Variants in DCAF17 observed in about 807,000 individuals in gnomAD.
DCAF17 encodes the protein DDB1 and CUL4 associated factor 17.
DCAF17 carries 48 observed loss-of-function variants against 66.0 expected under a neutral mutation model. That is an observed-to-expected ratio of 0.73 (90% CI 0.58 to 0.92). The LOEUF (loss-of-function observed/expected upper bound fraction) is 0.92, where lower values mean the gene tolerates loss of function less well. Among genes scored for constraint, DCAF17 ranks in the 40% least tolerant of loss-of-function variants. DCAF17 has a pLI of 0.00. For missense variants in DCAF17, 562 were observed against 622.8 expected (o/e 0.90, Z 1.04); for synonymous variants, 206 against 214.6 (o/e 0.96, Z 0.35).
rs889429441 is a variant in DCAF17 at position 171,480,210 on chromosome 2, G to T, written c.1422+17G>T. ...TGGGATGTGGTGAGTAGAGTCCGTG[G>T]GATACAAAGTTGTAAACCTTTCCTT... is the stretch of plus-strand genomic sequence containing the variant. On this transcript the variant is annotated intron_variant, in intron 13 of 13. Coordinates refer to ENST00000375255, the MANE Select transcript of DCAF17 (RefSeq NM_025000.4). 1.2e-6 allele frequency: 2 copies of T among 1,611,872 alleles called. No homozygotes were observed. Among genetic ancestry groups the T allele is most frequent in the Non-Finnish European group, 1.7e-6 (2 of 1,179,332 alleles).
intron 3 of DCAF17, among the ~76,000 whole-genome samples, chr2:171,446,877 G>GA (rs1694655528): frequency 6.6e-6 from 1 of 152,128 alleles, no homozygotes; most frequent in Non-Finnish European, 1.5e-5. Context: ...CTTTGAGCAT[G>GA]AAAAATATAA....
chr2:171,458,430 C>A lies in DCAF17; in HGVS notation c.791C>A (p.Thr264Asn). 1 of 1,614,026 alleles carries A rather than the reference C, an allele frequency of 6.2e-7. No homozygotes were observed. Residue 264 changes from threonine (T) to asparagine (N), a missense_variant, in exon 8 of 14, where the codon ACT (threonine) becomes AAT (asparagine). Around this residue, in one of 3 missense-constraint regions of DCAF17, gnomAD observed 348 missense variants for 355.9 expected, o/e 0.98. Transcript: ENST00000375255. ...CACRWGGTTGTVGEAPFGIPC... is the reference protein window; with the variant it reads ...CACRWGGTTGNVGEAPFGIPC... ...TGCAGATGGGGTGGGACTACTGGAACTGTAGGAGAGGCTCCTTTTGGCATT... is the reference window on the plus strand; with the variant it reads ...TGCAGATGGGGTGGGACTACTGGAAATGTAGGAGAGGCTCCTTTTGGCATT...
chr2:171,438,101 G>A (rs1694073373), intron 2 of DCAF17, among the ~76,000 whole-genome samples: 1 of 152,040 alleles, frequency 6.6e-6, no homozygotes, highest in African/African-American at 2.4e-5. Flanking sequence ...ATTTCTCCTG[G>A]GACTTCTTTG....
intron 8 of DCAF17, among the ~76,000 whole-genome samples, chr2:171,467,279 A>G (rs979208685): frequency 2.0e-5 from 3 of 152,158 alleles, no homozygotes; most frequent in Non-Finnish European, 4.4e-5. Flanking sequence ...ATTAAGAAAA[A>G]GGTACATGAT....
chr2:171,450,047 A>T, intron 5 of DCAF17, 90 bp downstream of exon 5: 1 of 1,131,964 alleles, frequency 8.8e-7, no homozygotes, highest in Non-Finnish European at 1.3e-6. Flanking sequence ...ATGATCTTTT[A>T]TTTCTGAAGC....
At chr2:171,470,978 G>C (rs1696214581) in intron 9 of DCAF17, among the ~76,000 whole-genome samples, 1 of 152,210 alleles carries the variant, frequency 6.6e-6, no homozygotes, top group Non-Finnish European at 1.5e-5. Flanking sequence ...AGGTACTTGA[G>C]CATCCATGGG....
rs1199128179 is a variant in DCAF17 at position 171,478,002 on chromosome 2, A to G, written c.1198A>G (p.Thr400Ala). Residue 400 changes from threonine (T) to alanine (A), a missense_variant, in exon 12 of 14, where the codon ACT becomes GCT. By Grantham distance (58) the Thr-to-Ala change is moderately conservative. Around this residue, in one of 3 missense-constraint regions of DCAF17, gnomAD observed 201 missense variants for 231.1 expected, o/e 0.87. Coordinates refer to ENST00000375255, the MANE Select transcript of DCAF17 (RefSeq NM_025000.4). ...CATATGATAGAATGAAAATGTACTC[A>G]CTGTTACAGCTTCTGGACGGGTGGT... Reference protein sequence around the residue: ...RENHKNENVLTVTASGRVVKK... With the variant: ...RENHKNENVLAVTASGRVVKK... 6.2e-7 allele frequency: 1 copy of G among 1,613,492 alleles called. No individual in the cohort carries two copies. Among genetic ancestry groups the G allele is most frequent in the South Asian group, 1.1e-5 (1 of 91,070 alleles).
intron 7 of DCAF17, 84 bp downstream of exon 7, chr2:171,458,159 T>C: frequency 7.9e-7 from 1 of 1,268,946 alleles, no homozygotes; most frequent in Non-Finnish European, 1.1e-6. Context: ...GAGATGCTTT[T>C]AGAGTAAGGC....
intron 10 of DCAF17, among the ~76,000 whole-genome samples, chr2:171,475,496 T>G (rs1334104299): frequency 6.6e-6 from 1 of 152,160 alleles, no homozygotes; most frequent in Non-Finnish European, 1.5e-5. Context: ...CTGGGCTTGG[T>G]GGTTTAGGCC....
chr2:171,477,846 T>A, intron 11 of DCAF17, 141 bp from the exon 12 acceptor site: 1 of 718,770 alleles, frequency 1.4e-6, no homozygotes, highest in Non-Finnish European at 2.5e-6. Flanking sequence ...AGAAATCTGA[T>A]TCAGAATTTT....
chr2:171,466,376 A>T (rs543009717), intron 8 of DCAF17, among the ~76,000 whole-genome samples: 39 of 152,256 alleles, frequency 2.6e-4, no homozygotes, highest in African/African-American at 8.9e-4. Context: ...ATTAATCATA[A>T]TATTTGTTTT....
At chr2:171,457,056 C>G (rs34127006) in intron 6 of DCAF17, among the ~76,000 whole-genome samples, 6,272 of 152,346 alleles carry the variant, frequency 0.041, 207 homozygotes, top group South Asian at 0.088. Flanking sequence ...TTGTCTTGTG[C>G]TGGTTTTCAA....
At position 171,482,460 on chromosome 2, in the gene DCAF17, G is replaced by C. The variant is rs770671472; in HGVS notation, c.*1346G>C. 1 of 453,800 alleles carries C rather than the reference G, an allele frequency of 2.2e-6. No individual in the cohort carries two copies. Among genetic ancestry groups the C allele is most frequent in the South Asian group, 1.6e-5 (1 of 64,474 alleles). 28.1% of individuals were successfully genotyped at this position (453,800 alleles called of 1,614,324 possible). On this transcript the variant is annotated 3_prime_UTR_variant, in exon 14 of 14. Transcript: ENST00000375255. ...AGACATTGCCCCATACTTTCAATTA[G>C]ACACTAGCTGTATCTAAATAGTCCC...
chr2:171,452,117 G>C (rs970958604), intron 5 of DCAF17, among the ~76,000 whole-genome samples: 5 of 152,014 alleles, frequency 3.3e-5, no homozygotes, highest in Non-Finnish European at 7.4e-5. Flanking sequence ...AGAATCTTTT[G>C]GGCTTTAAGC....
chr2:171,442,583 A>T, intron 2 of DCAF17, among the ~76,000 whole-genome samples: 2 of 145,572 alleles, frequency 1.4e-5, no homozygotes, highest in East Asian at 2.0e-4. Context: ...AAAAAAAAAA[A>T]GAAAGAAAGA....
Position 171,434,246 on chromosome 2 carries a change from G to A in DCAF17, c.-332G>A, listed in dbSNP as rs371179981. The A allele has an allele frequency of 3.0e-5, 14 of 472,904 alleles. 1 individual carries two copies. The highest frequency in any genetic ancestry group is 2.8e-4 in the African/African-American group (14 of 50,150). The allele number at this position is 472,904 out of a possible 1,614,324, so 29.3% of individuals were successfully genotyped here. A position where few individuals can be genotyped will look rare whatever the true frequency, so the allele number is the denominator to read the frequency against. Reference sequence around the variant, plus strand: ...CCTGGGAGAAGCCGGGCTGCCTCACGAGGCACTAGGAACTACATTTCCCGG... The same window carrying A: ...CCTGGGAGAAGCCGGGCTGCCTCACAAGGCACTAGGAACTACATTTCCCGG... On this transcript the variant is annotated 5_prime_UTR_variant, in exon 1 of 14. Transcript: ENST00000375255.
At chr2:171,436,071 G>A (rs1377320620) in intron 2 of DCAF17, among the ~76,000 whole-genome samples, 1 of 152,082 alleles carries the variant, frequency 6.6e-6, no homozygotes, top group Non-Finnish European at 1.5e-5. Flanking sequence ...TCATATAAAT[G>A]GAATCATATA....
Position 171,434,936 on chromosome 2 carries a change from C to T in DCAF17, c.127-147C>T, listed in dbSNP as rs1421613011. 1.4e-5 allele frequency: 14 copies of T among 1,020,924 alleles called. No individual in the cohort carries two copies. In the East Asian group the frequency reaches 1.6e-4, roughly 11 times the overall value. The allele number at this position is 1,020,924 out of a possible 1,614,324, so 63.2% of individuals were successfully genotyped here. A position where few individuals can be genotyped will look rare whatever the true frequency, so the allele number is the denominator to read the frequency against. ...CAATTATTCTAAAAGTTGGTCACCT[C>T]ATTAAGCCAAAACATGAGGGCAGAG... On this transcript the variant is annotated intron_variant, in intron 1 of 13. Transcript: ENST00000375255.
chr2:171,435,335 T>G (rs1693806800), intron 2 of DCAF17, 149 bp downstream of exon 2: 3 of 684,768 alleles, frequency 4.4e-6, no homozygotes, highest in Non-Finnish European at 7.7e-6. Context: ...AAAATGCATG[T>G]AATTTTAAAA....
Sources: allele counts gnomAD v4.1 joint callset (sites outside exome capture counted in the v4.1 genomes callset), GRCh38; gene constraint gnomAD v4.1.1; regional missense constraint gnomAD v4.1.1; transcripts MANE v1.5; gene names NCBI Gene and HGNC (gene_info 2026-07-23, HGNC 2026-07-21).